Variants in SCN2A observed in about 807,000 individuals in gnomAD.
SCN2A encodes the protein sodium voltage-gated channel alpha subunit 2.
In SCN2A, 20 loss-of-function variants were observed where a neutral mutation model predicts 188.7. The ratio of observed to expected loss-of-function variants is 0.11; its 90% CI spans 0.07 to 0.15. SCN2A has a LOEUF of 0.15. Among genes scored for constraint, SCN2A ranks in the 10% least tolerant of loss-of-function variants. SCN2A has a pLI of 1.00. For missense variants in SCN2A, 1,278 were observed against 2,445.0 expected (o/e 0.52, Z 10.07); for synonymous variants, 804 against 833.1 (o/e 0.97, Z 0.60).
At position 165,313,780 on chromosome 2, in the gene SCN2A, A is replaced by AT; in HGVS notation, c.1176+24dup. ...TCAACTGGTGAGAACAGATAAAATC[A>AT]TTTTTCTGAGAATCATAAAACACCG... On this transcript the variant is annotated intron_variant, in intron 9 of 26. Transcript: ENST00000375437. 2 of 1,613,532 alleles carry AT rather than the reference A, an allele frequency of 1.2e-6. No individual in the cohort carries two copies. The highest frequency in any genetic ancestry group is 1.7e-6 in the Non-Finnish European group (2 of 1,179,592).
chr2:165,245,194 C>G (rs981234610), intron 1 of SCN2A: 1 of 152,110 alleles, frequency 6.6e-6, no homozygotes, highest in Non-Finnish European at 1.5e-5. Context: ...CAAATCTCAC[C>G]TTGAATTGTA....
intron 18 of SCN2A, among the ~76,000 whole-genome samples, chr2:165,366,724 A>AAAG (rs1413565497): frequency 2.6e-5 from 4 of 151,748 alleles, no homozygotes; most frequent in African/African-American, 9.7e-5. Flanking sequence ...TCTCAAAAAA[A>AAAG]AAAAAAAAAG....
At position 165,354,324 on chromosome 2, in the gene SCN2A, A is replaced by G; in HGVS notation, c.3052A>G (p.Lys1018Glu). The change falls in exon 17 of 27, where the codon AAA becomes GAA. Residue 1018 changes from lysine to glutamate, a missense_variant. This residue lies in a region of SCN2A where 228 missense variants were observed against 297.3 expected (regional missense o/e 0.77). Transcript: ENST00000375437. ...GRMQKGIDFV[K>E]RKIREFIQKA... Reference sequence around the variant, plus strand: ...GATGCAGAAAGGAATCGATTTTGTTAAAAGAAAAATACGTGAATTTATTCA... The same window carrying G: ...GATGCAGAAAGGAATCGATTTTGTTGAAAGAAAAATACGTGAATTTATTCA... The G allele has an allele frequency of 6.2e-7, 1 of 1,614,142 alleles. No individual in the cohort carries two copies. The highest frequency in any genetic ancestry group is 1.1e-5 in the South Asian group (1 of 91,082).
intron 10 of SCN2A, 95 bp from the exon 11 acceptor site, chr2:165,315,376 G>T (rs761631551): frequency 4.3e-5 from 68 of 1,565,662 alleles, no homozygotes; most frequent in Admixed American, 7.3e-5. Context: ...TGTTTTTCAA[G>T]ATTATCTTCA....
chr2:165,247,551 G>A (rs546359918), intron 1 of SCN2A, among the ~76,000 whole-genome samples: 1 of 152,018 alleles, frequency 6.6e-6, no homozygotes, highest in African/African-American at 2.4e-5. Flanking sequence ...ACTGCCTTCC[G>A]TTGGATTTCA....
chr2:165,342,653 T>A (rs1203397387), intron 15 of SCN2A, among the ~76,000 whole-genome samples, 184 bp downstream of exon 15: 1 of 152,240 alleles, frequency 6.6e-6, no homozygotes, highest in Non-Finnish European at 1.5e-5. Context: ...AAAGTTCACT[T>A]AAATGAATAG....
At chr2:165,349,288 T>C (rs1352055823) in intron 16 of SCN2A, among the ~76,000 whole-genome samples, 4 of 152,224 alleles carry the variant, frequency 2.6e-5, no homozygotes, top group African/African-American at 9.7e-5. Flanking sequence ...TGGGTAGAAT[T>C]TAATTTATGA....
rs375444139 is a variant in SCN2A, at chr2:165,304,845, C to T, written c.387-3003C>T. On this transcript the variant is annotated intron_variant, in intron 3 of 26. Coordinates refer to ENST00000375437, the MANE Select transcript of SCN2A (RefSeq NM_001040142.2). ...AGTAGACAGGGATCAGACCTCCTAG[C>T]GTCTTGACTCTGTGTTAAGACATTT... 7.9e-5 allele frequency among the ~76,000 whole-genome samples: 12 copies of T among 152,280 alleles called. No individual in the cohort carries two copies. The East Asian group carries it at 1.5e-3, about 20-fold the overall frequency.
intron 16 of SCN2A, among the ~76,000 whole-genome samples, chr2:165,353,352 A>G (rs1457893765): frequency 6.6e-6 from 1 of 152,198 alleles, no homozygotes; most frequent in African/African-American, 2.4e-5. Flanking sequence ...ATCTAGGTAC[A>G]AAAAATGGTA....
intron 1 of SCN2A, among the ~76,000 whole-genome samples, chr2:165,250,724 T>C (rs1441272260): frequency 6.6e-6 from 1 of 152,062 alleles, no homozygotes; most frequent in Non-Finnish European, 1.5e-5. Flanking sequence ...TAAAATACAA[T>C]GACCTGGCTG....
chr2:165,313,858 A>G, intron 9 of SCN2A, 44 bp from the exon 10 acceptor site: 2 of 1,611,856 alleles, frequency 1.2e-6, no homozygotes, highest in Admixed American at 1.7e-5. Context: ...TAAGTTTGTA[A>G]CATCCTATAT....
intron 3 of SCN2A, among the ~76,000 whole-genome samples, chr2:165,303,230 C>G (rs1696915539): frequency 6.8e-6 from 1 of 147,892 alleles, no homozygotes; most frequent in African/African-American, 2.5e-5. Context: ...AAATCCATAC[C>G]TACATTAAAT....
chr2:165,353,955 G>A (rs1308267591), intron 16 of SCN2A, among the ~76,000 whole-genome samples: 1 of 152,096 alleles, frequency 6.6e-6, no homozygotes, highest in Non-Finnish European at 1.5e-5. Context: ...GTTTCATTTA[G>A]CAATGATTTC....
Position 165,352,923 on chromosome 2 carries a change from T to C in SCN2A, c.2920-1269T>C, listed in dbSNP as rs559808121. Among the ~76,000 whole-genome samples the C allele has an allele frequency of 2.0e-5, 3 of 152,278 alleles. No homozygotes were observed. In the South Asian group the frequency reaches 6.2e-4, roughly 32 times the overall value. ...TTTGCCCCCCTTTACTGCTATATCT[T>C]TCTTTTGTTCTGTATGTTATGTGTG... is the stretch of plus-strand genomic sequence containing the variant. On this transcript the variant is annotated intron_variant, in intron 16 of 26. Transcript: ENST00000375437.
At chr2:165,280,977 G>C (rs186297892) in intron 1 of SCN2A, among the ~76,000 whole-genome samples, 12 of 152,320 alleles carry the variant, frequency 7.9e-5, no homozygotes, top group African/African-American at 2.4e-4. Flanking sequence ...ATCCCAGCCA[G>C]TTGGGAGGCC....
Position 165,296,194 on chromosome 2 carries a change from A to G in SCN2A, c.267+104A>G. The G allele has an allele frequency of 2.8e-6, 3 of 1,087,272 alleles. No individual in the cohort carries two copies. The South Asian group carries it at 3.8e-5, about 14-fold the overall frequency. The allele number at this position is 1,087,272 out of a possible 1,614,324, so 67.4% of individuals were successfully genotyped here. On this transcript the variant is annotated intron_variant, in intron 2 of 26. Coordinates refer to ENST00000375437, the MANE Select transcript of SCN2A (RefSeq NM_001040142.2). The stretch of plus-strand genomic sequence containing the variant: ...GGCTGGCCTCCTTCCCTCTGTCTAA[A>G]GTATCACTAAGATGCTGGATGGGCC...
intron 26 of SCN2A, 90 bp downstream of exon 26, chr2:165,387,106 C>T (rs1701916985): frequency 1.5e-6 from 2 of 1,303,556 alleles, no homozygotes; most frequent in African/African-American, 1.5e-5. Flanking sequence ...TAATCTTTCT[C>T]ATTCATCCCA....
chr2:165,316,102 T>A (rs573124795), intron 11 of SCN2A, among the ~76,000 whole-genome samples: 1 of 152,278 alleles, frequency 6.6e-6, no homozygotes, highest in South Asian at 2.1e-4. Context: ...GAACTTTGGG[T>A]TTTCTGAGTG....
At chr2:165,262,839 A>G (rs989034044) in intron 1 of SCN2A, among the ~76,000 whole-genome samples, 8 of 152,070 alleles carry the variant, frequency 5.3e-5, no homozygotes, top group African/African-American at 1.7e-4. Flanking sequence ...GTTTTCAGTA[A>G]TGGTTGTACT....
Sources: gnomAD v4.1 joint callset for allele counts (sites outside exome capture counted in the v4.1 genomes callset) on GRCh38, gnomAD v4.1.1 for gene constraint, gnomAD v4.1.1 regional missense constraint, MANE v1.5 for transcripts, NCBI Gene and HGNC (gene_info 2026-07-23, HGNC 2026-07-21) for gene names.